EEFSEC: variants seen among roughly 807,000 people sequenced by gnomAD.
EEFSEC encodes the protein selenocysteine-specific elongation factor.
EEFSEC carries 43 observed loss-of-function variants against 42.1 expected under a neutral mutation model. That is an observed-to-expected ratio of 1.02 (90% CI 0.80 to 1.32). EEFSEC has a LOEUF of 1.32. Ranked by LOEUF, EEFSEC falls within the 40% of genes most tolerant of loss-of-function variation. The probability of loss-of-function intolerance (pLI) is 0.00; values close to 1 mark genes in which losing one functional copy is unlikely to be tolerated. For missense variants in EEFSEC, 745 were observed against 803.6 expected, an observed-to-expected ratio of 0.93 and a Z score of 0.88; for synonymous variants, 354 against 339.1, an observed-to-expected ratio of 1.04 and a Z score of -0.48.
intron 1 of EEFSEC, among the ~76,000 whole-genome samples, chr3:128,182,069 T>A (rs1171585921): frequency 1.3e-5 from 2 of 152,318 alleles, no homozygotes; most frequent in East Asian, 3.9e-4. Flanking sequence ...TGCCTTGGGC[T>A]CCCAAAGTGC....
intron 1 of EEFSEC, among the ~76,000 whole-genome samples, chr3:128,183,601 C>A (rs1431730152): frequency 2.0e-5 from 3 of 152,148 alleles, no homozygotes; most frequent in Non-Finnish European, 4.4e-5. Flanking sequence ...TTTCTTTGCA[C>A]CTCAGTTTCC....
intron 6 of EEFSEC, among the ~76,000 whole-genome samples, chr3:128,405,192 A>G (rs930256043): frequency 5.3e-5 from 8 of 151,910 alleles, no homozygotes; most frequent in Non-Finnish European, 1.0e-4. Flanking sequence ...AATTTTTTGT[A>G]TTTTTAATGG....
intron 6 of EEFSEC, chr3:128,362,373 G>GT: frequency 2.3e-6 from 1 of 441,398 alleles, no homozygotes. Context: ...TGACAGCTCT[G>GT]AGTCACTGGG....
intron 6 of EEFSEC, among the ~76,000 whole-genome samples, chr3:128,405,059 C>A (rs1398005050): frequency 2.6e-5 from 4 of 151,628 alleles, no homozygotes; most frequent in African/African-American, 9.7e-5. Flanking sequence ...CTCTGTTGCC[C>A]AGGCTGGAGT....
intron 1 of EEFSEC, among the ~76,000 whole-genome samples, chr3:128,157,101 T>TTC (rs1944393985): frequency 6.6e-6 from 1 of 152,240 alleles, no homozygotes; most frequent in Non-Finnish European, 1.5e-5. Context: ...CTTTATTGCT[T>TTC]TATAGAGAAA....
At chr3:128,391,965 C>T (rs960704948) in intron 6 of EEFSEC, among the ~76,000 whole-genome samples, 21 of 152,208 alleles carry the variant, frequency 1.4e-4, no homozygotes, top group African/African-American at 2.4e-4. Flanking sequence ...TCCAGAAGGG[C>T]GAGTGCCTGA....
chr3:128,345,442 G>A (rs1416677748), intron 5 of EEFSEC, among the ~76,000 whole-genome samples: 1 of 152,188 alleles, frequency 6.6e-6, no homozygotes, highest in East Asian at 1.9e-4. Context: ...CAGCGCAGGG[G>A]CCAGAGAAGT....
Position 128,236,662 on chromosome 3 carries a change from G to C in EEFSEC, c.317-10174G>C, listed in dbSNP as rs7640282. Among the ~76,000 whole-genome samples the C allele has an allele frequency of 3.0e-3, 459 of 152,220 alleles. 3 individuals carry two copies. Among genetic ancestry groups the C allele is most frequent in the Non-Finnish European group, 3.3e-3 (224 of 68,018 alleles). On this transcript the variant is annotated intron_variant, in intron 1 of 6. Coordinates refer to ENST00000254730, the MANE Select transcript of EEFSEC (RefSeq NM_021937.5). The stretch of plus-strand genomic sequence containing the variant: ...TCTTTATGCCCCTGCTTATTTCTCT[G>C]ACTTCATCTCCTTCCTCTTCCTCAA...
the EEFSEC span, among the ~76,000 whole-genome samples, chr3:128,414,090 A>G: frequency 5.3e-4 from 80 of 152,332 alleles, 1 homozygote; most frequent in East Asian, 0.015. Flanking sequence ...TCCTTGACGG[A>G]CAACCCTGCC....
intron 4 of EEFSEC, among the ~76,000 whole-genome samples, chr3:128,277,916 G>A (rs186401351): frequency 6.6e-6 from 1 of 152,306 alleles, no homozygotes; most frequent in African/African-American, 2.4e-5. Flanking sequence ...GAGGATTCTG[G>A]GCAAATGCAA....
intron 1 of EEFSEC, among the ~76,000 whole-genome samples, chr3:128,232,641 A>G (rs570763507): frequency 5.4e-4 from 83 of 152,370 alleles, no homozygotes; most frequent in African/African-American, 1.9e-3. Flanking sequence ...AAATCAAATT[A>G]TAGCTTATGG....
At chr3:128,237,874 G>T (rs1390005086) in intron 1 of EEFSEC, among the ~76,000 whole-genome samples, 1 of 152,158 alleles carries the variant, frequency 6.6e-6, no homozygotes, top group Non-Finnish European at 1.5e-5. Flanking sequence ...TGTGCCTCAG[G>T]TTGTGCACTT....
At chr3:128,313,041 C>T (rs1305251407) in intron 4 of EEFSEC, among the ~76,000 whole-genome samples, 4 of 152,106 alleles carry the variant, frequency 2.6e-5, no homozygotes, top group Non-Finnish European at 5.9e-5. Flanking sequence ...GGTCTCAGCC[C>T]CCTTGTCTGT....
chr3:128,210,221 G>GA (rs1312384544), intron 1 of EEFSEC, among the ~76,000 whole-genome samples: 3 of 152,232 alleles, frequency 2.0e-5, no homozygotes, highest in African/African-American at 4.8e-5. Flanking sequence ...GACAAACAGA[G>GA]AAGGGGGTCC....
At chr3:128,242,906 C>T (rs1260113945) in intron 1 of EEFSEC, among the ~76,000 whole-genome samples, 1 of 152,304 alleles carries the variant, frequency 6.6e-6, no homozygotes, top group African/African-American at 2.4e-5. Context: ...CCTCTAGTCT[C>T]AGAGCGATTT....
rs564295645 is a variant in EEFSEC, at chr3:128,329,742, G to T, written c.787-11491G>T. Among the ~76,000 whole-genome samples, 32 of 152,292 alleles carry T rather than the reference G, an allele frequency of 2.1e-4. 1 individual carries two copies. Among genetic ancestry groups the T allele is most frequent in the African/African-American group, 7.5e-4 (31 of 41,576 alleles). Reference sequence around the variant, plus strand: ...CAGCCAGATGGCCACAGGCCTGTGTGCCCATCCAGCAGCCTGCCCTGAGGG... The same window carrying T: ...CAGCCAGATGGCCACAGGCCTGTGTTCCCATCCAGCAGCCTGCCCTGAGGG... On this transcript the variant is annotated intron_variant, in intron 4 of 6. Transcript: ENST00000254730.
At chr3:128,195,265 T>C (rs999672566) in intron 1 of EEFSEC, among the ~76,000 whole-genome samples, 4 of 152,212 alleles carry the variant, frequency 2.6e-5, no homozygotes, top group African/African-American at 9.6e-5. Context: ...GCATTTAAAA[T>C]ATTTTTTCCT....
chr3:128,175,190 C>T (rs1213369663), intron 1 of EEFSEC, among the ~76,000 whole-genome samples: 1 of 151,874 alleles, frequency 6.6e-6, no homozygotes, highest in Non-Finnish European at 1.5e-5. Context: ...TGCAAACCCC[C>T]CCTTTTCTCC....
At chr3:128,311,504 C>T (rs1316956857) in intron 4 of EEFSEC, among the ~76,000 whole-genome samples, 1 of 152,248 alleles carries the variant, frequency 6.6e-6, no homozygotes, top group African/African-American at 2.4e-5. Flanking sequence ...GGTCCCGTGA[C>T]CTTCAGGGCA....
Sources: allele counts gnomAD v4.1 joint callset (sites outside exome capture counted in the v4.1 genomes callset), GRCh38; gene constraint gnomAD v4.1.1; transcripts MANE v1.5; gene names NCBI Gene and HGNC (gene_info 2026-07-23, HGNC 2026-07-21).